The following MMP26 variants were observed in gnomAD, a reference collection of about 807,000 sequenced individuals.
MMP26 encodes matrix metallopeptidase 26.
In MMP26, 33 loss-of-function variants were observed where a neutral mutation model predicts 31.0. The ratio of observed to expected loss-of-function variants is 1.06; its 90% CI spans 0.81 to 1.42. The LOEUF is 1.42. Among genes scored for constraint, MMP26 ranks in the 40% most tolerant of loss-of-function variants. The pLI is 0.00. For synonymous variants in MMP26, 122 were observed against 114.9 expected (o/e 1.06, Z -0.40); for missense variants, 347 against 316.1 (o/e 1.10, Z -0.74).
At chr11:4,913,048 C>T (rs529459322) in intron 2 of MMP26, 61 of 152,326 alleles carry the variant, frequency 4.0e-4, no homozygotes, top group African/African-American at 1.5e-3. Flanking sequence ...TTGCTTTCCA[C>T]GTGCATAAGC....
At chr11:4,752,521 T>C (rs1199670112) in intron 1 of MMP26, 1 of 152,176 alleles carries the variant, frequency 6.6e-6, no homozygotes, top group Non-Finnish European at 1.5e-5. Flanking sequence ...AAAATGACAG[T>C]CCCCCTGGTA....
chr11:4,736,366 T>C lies in MMP26; in HGVS notation c.-216-30904T>C, dbSNP rs929440831. 7 of 152,202 alleles carry C rather than the reference T, an allele frequency of 4.6e-5. No individual in the cohort carries two copies. In the East Asian group the frequency reaches 1.3e-3, roughly 29 times the overall value. The allele number at this position is 152,202 out of a possible 1,614,324, so 9.4% of individuals were successfully genotyped here. Reference sequence around the variant, plus strand: ...ATGTAGAAAATGGCAACAGCACCTATGTAGGAGATACAAGTGCTAAAGACC... The same window carrying C: ...ATGTAGAAAATGGCAACAGCACCTACGTAGGAGATACAAGTGCTAAAGACC... On this transcript the variant is annotated intron_variant, in intron 1 of 7. Transcript: ENST00000380390.
chr11:4,854,436 G>T (rs1850020202), intron 2 of MMP26, among the ~76,000 whole-genome samples: 1 of 152,172 alleles, frequency 6.6e-6, no homozygotes, highest in Non-Finnish European at 1.5e-5. Flanking sequence ...GGCTCGGAGG[G>T]TCCCACGCCC....
chr11:4,901,745 A>G (rs1850805791), intron 2 of MMP26, among the ~76,000 whole-genome samples: 1 of 152,078 alleles, frequency 6.6e-6, no homozygotes, highest in African/African-American at 2.4e-5. Context: ...ATGGGTGTTT[A>G]TCTCTATCCT....
At chr11:4,892,959 C>T (rs969361250) in intron 2 of MMP26, among the ~76,000 whole-genome samples, 1 of 152,080 alleles carries the variant, frequency 6.6e-6, no homozygotes, top group Admixed American at 6.6e-5. Context: ...CTTCTGCTAA[C>T]GTCAATCTTT....
intron 2 of MMP26, among the ~76,000 whole-genome samples, chr11:4,920,645 TTGGTA>T: frequency 6.6e-6 from 1 of 152,142 alleles, no homozygotes; most frequent in South Asian, 2.1e-4. Context: ...CATAATGCCT[TTGGTA>T]TGGTTTCAGG....
At chr11:4,986,349 T>G (rs1846887046) in intron 2 of MMP26, among the ~76,000 whole-genome samples, 1 of 151,702 alleles carries the variant, frequency 6.6e-6, no homozygotes, top group Non-Finnish European at 1.5e-5. Context: ...TTATTTTTAT[T>G]TTTTTATTTT....
At chr11:4,786,563 G>A (rs902083741) in intron 2 of MMP26, among the ~76,000 whole-genome samples, 3 of 128,082 alleles carry the variant, frequency 2.3e-5, no homozygotes, top group Non-Finnish European at 4.7e-5. Flanking sequence ...AGGATTATGA[G>A]TATGAGAAGT....
intron 2 of MMP26, among the ~76,000 whole-genome samples, chr11:4,862,300 G>A (rs934304395): frequency 6.6e-6 from 1 of 152,104 alleles, no homozygotes; most frequent in Non-Finnish European, 1.5e-5. Context: ...AAAACTTCCT[G>A]ATGTAAAGGA....
intron 1 of MMP26, among the ~76,000 whole-genome samples, chr11:4,760,688 A>G (rs1848560172): frequency 6.6e-6 from 1 of 152,194 alleles, no homozygotes; most frequent in African/African-American, 2.4e-5. Flanking sequence ...TCATGGAGCC[A>G]GTGTGTGAAT....
intron 2 of MMP26, among the ~76,000 whole-genome samples, chr11:4,935,780 G>T (rs1305797086): frequency 1.3e-5 from 2 of 151,294 alleles, no homozygotes; most frequent in Non-Finnish European, 3.0e-5. Flanking sequence ...AGAGTTTTTA[G>T]CATGAAGAGT....
At chr11:4,959,365 C>G (rs1400617023) in intron 2 of MMP26, among the ~76,000 whole-genome samples, 1 of 151,774 alleles carries the variant, frequency 6.6e-6, no homozygotes, top group Non-Finnish European at 1.5e-5. Flanking sequence ...TACAAAATGC[C>G]TTTGTGCTGG....
intron 1 of MMP26, among the ~76,000 whole-genome samples, chr11:4,756,961 T>C (rs1589891761): frequency 1.3e-5 from 2 of 152,146 alleles, no homozygotes; most frequent in Admixed American, 6.5e-5. Context: ...AATGGAGCTA[T>C]AAATTTAATG....
intron 1 of MMP26, among the ~76,000 whole-genome samples, chr11:4,738,111 G>T (rs1020749049): frequency 6.6e-6 from 1 of 152,064 alleles, no homozygotes; most frequent in Non-Finnish European, 1.5e-5. Flanking sequence ...TTTAAAACAA[G>T]AATTCCACTG....
At chr11:4,802,187 AT>A (rs2133452653) in intron 2 of MMP26, among the ~76,000 whole-genome samples, 1 of 152,302 alleles carries the variant, frequency 6.6e-6, no homozygotes. Context: ...TAATGTCTAT[AT>A]TTGGGCTGGA....
chr11:4,941,729 A>G (rs1247334092), intron 2 of MMP26, among the ~76,000 whole-genome samples: 1 of 109,984 alleles, frequency 9.1e-6, no homozygotes, highest in Non-Finnish European at 1.9e-5. Flanking sequence ...TTGGGAGGTT[A>G]TTCATTTTTA....
At chr11:4,823,766 T>C (rs1182444085) in intron 2 of MMP26, among the ~76,000 whole-genome samples, 1 of 151,900 alleles carries the variant, frequency 6.6e-6, no homozygotes, top group Non-Finnish European at 1.5e-5. Context: ...AACGTAAGAG[T>C]TTTTCCTGTT....
At chr11:4,715,109 C>T (rs1017910316) in intron 1 of MMP26, among the ~76,000 whole-genome samples, 1 of 151,980 alleles carries the variant, frequency 6.6e-6, no homozygotes, top group African/African-American at 2.4e-5. Context: ...GTTAACAACT[C>T]TTGGATTGAA....
At chr11:4,860,037 C>G (rs548420621) in intron 2 of MMP26, 2 of 471,058 alleles carry the variant, frequency 4.2e-6, no homozygotes, top group African/African-American at 2.0e-5. Flanking sequence ...ATGAATGAGA[C>G]AAGACATTGG....
Sources: allele counts gnomAD v4.1 joint callset (sites outside exome capture counted in the v4.1 genomes callset), GRCh38; gene constraint gnomAD v4.1.1; transcripts MANE v1.5; gene names NCBI Gene and HGNC (gene_info 2026-07-23, HGNC 2026-07-21).